Variants in RSPO3 observed in about 807,000 individuals in gnomAD.
RSPO3 encodes R-spondin 3.
Under a neutral mutation model 36.5 loss-of-function variants are expected in RSPO3, and 17 were observed. The ratio of observed to expected loss-of-function variants is 0.47; its 90% CI spans 0.32 to 0.70. The LOEUF (loss-of-function observed/expected upper bound fraction) is 0.70, where lower values mean the gene tolerates loss of function less well. Among genes scored for constraint, RSPO3 ranks in the 30% least tolerant of loss-of-function variants. The pLI, the probability that RSPO3 is intolerant of heterozygous loss-of-function variation, is 0.04. For missense variants in RSPO3, 294 were observed against 322.5 expected (o/e 0.91, Z 0.68); for synonymous variants, 108 against 107.0 (o/e 1.01, Z -0.06).
chr6:127,180,687 C>T (rs1775166862), intron 4 of RSPO3, among the ~76,000 whole-genome samples: 1 of 151,678 alleles, frequency 6.6e-6, no homozygotes, highest in Admixed American at 6.6e-5. Flanking sequence ...AAGTGCTCCT[C>T]AGATTTTACC....
chr6:127,140,602 G>A (rs1033556746), intron 1 of RSPO3, among the ~76,000 whole-genome samples: 9 of 152,178 alleles, frequency 5.9e-5, no homozygotes, highest in African/African-American at 2.2e-4. Context: ...TCTGTTCCAA[G>A]ATCCATAAAA....
chr6:127,167,522 T>C (rs901975957), intron 4 of RSPO3, among the ~76,000 whole-genome samples: 3 of 152,088 alleles, frequency 2.0e-5, no homozygotes, highest in Non-Finnish European at 2.9e-5. Context: ...CAGTCTATCA[T>C]TGATCACCAT....
chr6:127,144,429 A>G (rs984057749), intron 1 of RSPO3, among the ~76,000 whole-genome samples: 3 of 152,154 alleles, frequency 2.0e-5, no homozygotes, highest in African/African-American at 7.2e-5. Context: ...TGAAGTTTCA[A>G]AATAAATGAT....
intron 4 of RSPO3, among the ~76,000 whole-genome samples, chr6:127,156,776 G>A (rs566107863): frequency 5.9e-5 from 9 of 152,110 alleles, no homozygotes; most frequent in Admixed American, 2.0e-4. Flanking sequence ...TCACAACATC[G>A]TAGAATAAGG....
At chr6:127,191,381 A>G (rs79936679) in intron 4 of RSPO3, among the ~76,000 whole-genome samples, 9,979 of 152,190 alleles carry the variant, frequency 0.066, 668 homozygotes, top group African/African-American at 0.18. Flanking sequence ...TGTTGACTAC[A>G]GGTTCTTGGG....
At chr6:127,122,791 T>C (rs190742959) in intron 1 of RSPO3, among the ~76,000 whole-genome samples, 1 of 152,332 alleles carries the variant, frequency 6.6e-6, no homozygotes, top group Admixed American at 6.5e-5. Flanking sequence ...AAGAATTAAA[T>C]ACCTAATAGT....
intron 4 of RSPO3, among the ~76,000 whole-genome samples, chr6:127,174,451 T>C (rs183946275): frequency 1.2e-4 from 18 of 152,032 alleles, no homozygotes; most frequent in Admixed American, 6.6e-4. Context: ...TATGTTCTGA[T>C]CAGAGGACTA....
chr6:127,136,195 G>T (rs528757707), intron 1 of RSPO3, among the ~76,000 whole-genome samples: 1 of 152,236 alleles, frequency 6.6e-6, no homozygotes, highest in East Asian at 1.9e-4. Flanking sequence ...TGGATCCTCT[G>T]CCAATCTGAT....
At chr6:127,131,850 T>C (rs979334158) in intron 1 of RSPO3, among the ~76,000 whole-genome samples, 6 of 152,126 alleles carry the variant, frequency 3.9e-5, no homozygotes, top group African/African-American at 1.4e-4. Flanking sequence ...ACACTTCTTG[T>C]ACAAATTTCT....
chr6:127,144,251 T>C (rs942364329), intron 1 of RSPO3, among the ~76,000 whole-genome samples: 8 of 152,172 alleles, frequency 5.3e-5, no homozygotes, highest in Non-Finnish European at 8.8e-5. Context: ...AGTCCCAATT[T>C]AAAGTTTCCA....
intron 4 of RSPO3, among the ~76,000 whole-genome samples, chr6:127,166,364 G>A (rs992645166): frequency 6.6e-6 from 1 of 151,918 alleles, no homozygotes; most frequent in African/African-American, 2.4e-5. Context: ...TTAATGAATT[G>A]ATACATTGAC....
intron 1 of RSPO3, among the ~76,000 whole-genome samples, chr6:127,122,687 G>A (rs1247964352): frequency 2.0e-5 from 3 of 152,106 alleles, no homozygotes; most frequent in African/African-American, 7.2e-5. Context: ...ATGGTCTCAA[G>A]GCCATCATTT....
chr6:127,140,786 T>C (rs1020780820), intron 1 of RSPO3, among the ~76,000 whole-genome samples: 2 of 152,184 alleles, frequency 1.3e-5, no homozygotes, highest in African/African-American at 4.8e-5. Flanking sequence ...ACTCAACGCA[T>C]TGCAGCCTCA....
chr6:127,185,546 G>A (rs1311742592), intron 4 of RSPO3, among the ~76,000 whole-genome samples: 2 of 152,050 alleles, frequency 1.3e-5, no homozygotes, highest in East Asian at 3.9e-4. Flanking sequence ...AGCTAATAAA[G>A]AGCTGAAAAC....
intron 3 of RSPO3, among the ~76,000 whole-genome samples, chr6:127,154,293 C>T (rs1210601679): frequency 3.3e-5 from 5 of 152,142 alleles, no homozygotes; most frequent in Admixed American, 1.3e-4. Flanking sequence ...TGTTGTTATA[C>T]ATTAGAAAGT....
intron 1 of RSPO3, among the ~76,000 whole-genome samples, chr6:127,138,214 C>A (rs902879846): frequency 6.6e-6 from 1 of 151,828 alleles, no homozygotes; most frequent in African/African-American, 2.4e-5. Flanking sequence ...TTTCTCTGTA[C>A]CATATAGACC....
At chr6:127,149,041 T>A (rs1774440512) in intron 2 of RSPO3, among the ~76,000 whole-genome samples, 1 of 152,094 alleles carries the variant, frequency 6.6e-6, no homozygotes, top group South Asian at 2.1e-4. Context: ...CATGTTTTGG[T>A]TTTCTTTTTA....
chr6:127,175,438 A>G (rs1775033336), intron 4 of RSPO3, among the ~76,000 whole-genome samples: 1 of 151,796 alleles, frequency 6.6e-6, no homozygotes. Context: ...CAGTGGTGGC[A>G]TATGGTTAAT....
intron 4 of RSPO3, among the ~76,000 whole-genome samples, chr6:127,180,631 G>A (rs192852663): frequency 6.6e-6 from 1 of 151,582 alleles, no homozygotes; most frequent in East Asian, 2.0e-4. Flanking sequence ...TAAGGCAGAT[G>A]GCCTTGAGTG....
Sources: gnomAD v4.1 joint callset for allele counts (sites outside exome capture counted in the v4.1 genomes callset) on GRCh38, gnomAD v4.1.1 for gene constraint, MANE v1.5 for transcripts, NCBI Gene and HGNC (gene_info 2026-07-23, HGNC 2026-07-21) for gene names.